Variants in DOCK4 observed in about 807,000 individuals in gnomAD.
DOCK4 encodes the protein dedicator of cytokinesis 4, also known as dedicator of cytokinesis protein 4.
DOCK4 carries 97 observed loss-of-function variants against 268.1 expected under a neutral mutation model. The observed-to-expected ratio is 0.36, with a 90% CI of 0.31 to 0.43. The LOEUF is 0.43. Among genes scored for constraint, DOCK4 ranks in the 20% least tolerant of loss-of-function variants. The probability of loss-of-function intolerance (pLI) is 1.00; values close to 1 mark genes in which losing one functional copy is unlikely to be tolerated. For synonymous variants in DOCK4, 954 were observed against 887.2 expected, an observed-to-expected ratio of 1.08 and a Z score of -1.34; for missense variants, 2,145 against 2,455.7, an observed-to-expected ratio of 0.87 and a Z score of 2.67.
intron 1 of DOCK4, among the ~76,000 whole-genome samples, chr7:112,176,450 C>T (rs1033572746): frequency 6.6e-6 from 1 of 152,108 alleles, no homozygotes; most frequent in Admixed American, 6.6e-5. Flanking sequence ...TTTGTTCTTC[C>T]CTCTACTGTA....
intron 12 of DOCK4, among the ~76,000 whole-genome samples, chr7:111,930,654 T>G (rs1794124686): frequency 6.6e-6 from 1 of 152,228 alleles, no homozygotes; most frequent in Admixed American, 6.5e-5. Context: ...ATTATCTAAC[T>G]GTTGTGACAG....
chr7:112,136,322 C>G (rs1041920897), intron 1 of DOCK4, among the ~76,000 whole-genome samples: 1 of 152,106 alleles, frequency 6.6e-6, no homozygotes, highest in South Asian at 2.1e-4. Context: ...CATTTGCAAT[C>G]CCAGAGTAGC....
intron 1 of DOCK4, among the ~76,000 whole-genome samples, chr7:112,099,712 A>G (rs1810500741): frequency 6.6e-6 from 1 of 152,226 alleles, no homozygotes; most frequent in South Asian, 2.1e-4. Flanking sequence ...CAGGAACCTC[A>G]TAATATGTGC....
At chr7:112,176,102 T>G (rs1352011291) in intron 1 of DOCK4, among the ~76,000 whole-genome samples, 4 of 152,216 alleles carry the variant, frequency 2.6e-5, no homozygotes, top group Non-Finnish European at 5.9e-5. Flanking sequence ...CACCATTATT[T>G]CAATCATTCC....
intron 52 of DOCK4, among the ~76,000 whole-genome samples, chr7:111,731,413 G>A (rs191581728): frequency 2.0e-5 from 3 of 152,294 alleles, no homozygotes; most frequent in Admixed American, 1.3e-4. Context: ...GACATGGAGC[G>A]TGTAAATCCT....
At chr7:112,129,227 G>A (rs936307303) in intron 1 of DOCK4, among the ~76,000 whole-genome samples, 1 of 152,144 alleles carries the variant, frequency 6.6e-6, no homozygotes, top group African/African-American at 2.4e-5. Flanking sequence ...AAAAAGGAGT[G>A]AACTATTTAT....
At chr7:111,809,178 C>T (rs1800894445) in intron 29 of DOCK4, 123 bp downstream of exon 29, 1 of 808,766 alleles carries the variant, frequency 1.2e-6, no homozygotes, top group Admixed American at 2.5e-5. Flanking sequence ...TGCTTCTTGA[C>T]CCCTTGGTCA....
At chr7:111,738,052 CAG>C (rs1245651720) in intron 49 of DOCK4, among the ~76,000 whole-genome samples, 3 of 152,090 alleles carry the variant, frequency 2.0e-5, no homozygotes. Context: ...TGTAGAAAAA[CAG>C]AAATTAGCTG....
intron 7 of DOCK4, among the ~76,000 whole-genome samples, chr7:111,982,869 T>C (rs754879866): frequency 6.6e-6 from 1 of 152,148 alleles, no homozygotes; most frequent in Non-Finnish European, 1.5e-5. Flanking sequence ...GTTAAATAAA[T>C]GAACAAAAGT....
At chr7:111,915,653 C>T in intron 13 of DOCK4, 126 bp downstream of exon 13, 1 of 893,198 alleles carries the variant, frequency 1.1e-6, no homozygotes, top group Non-Finnish European at 1.6e-6. Flanking sequence ...AGTCACATAC[C>T]TCATTTCATT....
chr7:112,120,010 G>A lies in DOCK4; in HGVS notation c.37+86092C>T, dbSNP rs569271437. Among the ~76,000 whole-genome samples the A allele has an allele frequency of 3.6e-4, 55 of 152,052 alleles. No individual in the cohort carries two copies. The South Asian group carries it at 0.01, about 29-fold the overall frequency. On this transcript the variant is annotated intron_variant, in intron 1 of 52. Transcript: ENST00000428084. ...CTACAGGTGCCCACCACCACAACAG[G>A]CTAATCTTTTGTATTTTTAGTAAAG...
intron 1 of DOCK4, among the ~76,000 whole-genome samples, chr7:112,156,949 T>G (rs939489677): frequency 6.6e-6 from 1 of 151,384 alleles, no homozygotes; most frequent in African/African-American, 2.4e-5. Flanking sequence ...GAAATCAGAT[T>G]GTAAAATTAT....
intron 27 of DOCK4, among the ~76,000 whole-genome samples, chr7:111,816,345 A>C (rs192440250): frequency 1.3e-5 from 2 of 152,316 alleles, no homozygotes; most frequent in Admixed American, 1.3e-4. Flanking sequence ...ATTTCCCTAC[A>C]ACCTGGTGGA....
intron 8 of DOCK4, among the ~76,000 whole-genome samples, chr7:111,956,334 A>G (rs1796444729): frequency 6.6e-6 from 1 of 152,216 alleles, no homozygotes; most frequent in Admixed American, 6.5e-5. Context: ...TAAACACAGA[A>G]TAAGTATAAA....
chr7:112,203,985 T>C (rs572269880), intron 1 of DOCK4, among the ~76,000 whole-genome samples: 1 of 152,142 alleles, frequency 6.6e-6, no homozygotes, highest in East Asian at 1.9e-4. Context: ...CAGCAGTAAT[T>C]TGGGGCAAAA....
chr7:111,849,716 G>A (rs1367364168), intron 23 of DOCK4, among the ~76,000 whole-genome samples: 1 of 152,146 alleles, frequency 6.6e-6, no homozygotes. Context: ...ACTGCAGGAT[G>A]GGGAAGCTAG....
intron 12 of DOCK4, among the ~76,000 whole-genome samples, chr7:111,922,741 C>A (rs1484989679): frequency 6.6e-6 from 1 of 152,124 alleles, no homozygotes; most frequent in East Asian, 1.9e-4. Flanking sequence ...GCCACCACAC[C>A]CAGCTAATTT....
At chr7:111,800,475 A>T (rs1450824060) in intron 30 of DOCK4, among the ~76,000 whole-genome samples, 1 of 152,198 alleles carries the variant, frequency 6.6e-6, no homozygotes, top group African/African-American at 2.4e-5. Context: ...CTTTTCCTCA[A>T]GAAAAATGTT....
intron 8 of DOCK4, among the ~76,000 whole-genome samples, chr7:111,976,269 T>TTATATATACA (rs1798188650): frequency 9.1e-5 from 3 of 33,138 alleles, no homozygotes; most frequent in Non-Finnish European, 1.6e-4. Flanking sequence ...TGTGTGTCTA[T>TTATATATACA]TATATATATA....
Sources: gnomAD v4.1 joint callset for allele counts (sites outside exome capture counted in the v4.1 genomes callset) on GRCh38, gnomAD v4.1.1 for gene constraint, MANE v1.5 for transcripts, NCBI Gene and HGNC (gene_info 2026-07-23, HGNC 2026-07-21) for gene names.